PEX7: variants seen among roughly 807,000 people sequenced by gnomAD.
PEX7 encodes the protein PTS2 receptor.
In PEX7, 34 loss-of-function variants were observed where a neutral mutation model predicts 47.5. That is an observed-to-expected ratio of 0.72 (90% CI 0.54 to 0.95). The LOEUF is 0.95. PEX7 is among the 40% of genes least tolerant of loss of function. The pLI is 0.00. For synonymous variants in PEX7, 141 were observed against 148.8 expected, an observed-to-expected ratio of 0.95 and a Z score of 0.38; for missense variants, 394 against 400.3, an observed-to-expected ratio of 0.98 and a Z score of 0.13.
chr6:136,842,269 A>G (rs1320687253), intron 3 of PEX7, among the ~76,000 whole-genome samples: 6 of 152,214 alleles, frequency 3.9e-5, no homozygotes, highest in Non-Finnish European at 8.8e-5. Flanking sequence ...TGCTGGGATT[A>G]CAGGCGTGAG....
chr6:136,890,648 A>G (rs985238270), intron 8 of PEX7, among the ~76,000 whole-genome samples: 1 of 152,182 alleles, frequency 6.6e-6, no homozygotes, highest in African/African-American at 2.4e-5. Flanking sequence ...CAGTGCAGAC[A>G]TTCCACTACA....
intron 3 of PEX7, among the ~76,000 whole-genome samples, chr6:136,827,903 G>C (rs1423589608): frequency 6.6e-6 from 1 of 151,900 alleles, no homozygotes; most frequent in Non-Finnish European, 1.5e-5. Context: ...TGTTGCCCAG[G>C]CTAGTTTTTG....
chr6:136,840,911 T>G (rs193035159), intron 3 of PEX7, among the ~76,000 whole-genome samples: 14 of 152,320 alleles, frequency 9.2e-5, no homozygotes, highest in African/African-American at 3.4e-4. Context: ...CTGGCCATTT[T>G]GTTGAGAAGT....
intron 5 of PEX7, 124 bp from the exon 6 acceptor site, chr6:136,866,503 G>T: frequency 1.3e-6 from 1 of 779,562 alleles, no homozygotes; most frequent in East Asian, 2.7e-5. Flanking sequence ...AAATAAGTCT[G>T]AAGGTGGCAA....
chr6:136,865,810 C>T (rs928457172), intron 5 of PEX7, among the ~76,000 whole-genome samples: 12 of 151,828 alleles, frequency 7.9e-5, no homozygotes, highest in African/African-American at 2.7e-4. Flanking sequence ...ATAGGCCGGG[C>T]GCTGCGGCTC....
rs548146702 is a variant in PEX7 at position 136,863,678 on chromosome 6, C to G, written c.527-2949C>G. Among the ~76,000 whole-genome samples, 348 of 152,126 alleles carry G rather than the reference C, an allele frequency of 2.3e-3. 3 individuals carry two copies. Among genetic ancestry groups the G allele is most frequent in the African/African-American group, 7.9e-3 (326 of 41,506 alleles). ...ATCCCCTCACTTTGGGAGGCTGAGG[C>G]AGGTGGATTGCTTGAGCTCGGGAGC... On this transcript the variant is annotated intron_variant, in intron 5 of 9. Coordinates refer to ENST00000318471, the MANE Select transcript of PEX7 (RefSeq NM_000288.4).
At chr6:136,833,648 G>T (rs1774334396) in intron 3 of PEX7, among the ~76,000 whole-genome samples, 1 of 152,162 alleles carries the variant, frequency 6.6e-6, no homozygotes. Context: ...TATTACAATT[G>T]ATAATAGCCA....
At chr6:136,841,508 T>A (rs1774497177) in intron 3 of PEX7, among the ~76,000 whole-genome samples, 1 of 152,218 alleles carries the variant, frequency 6.6e-6, no homozygotes, top group African/African-American at 2.4e-5. Context: ...GGGCCCTGCC[T>A]CAGTCTTTCT....
chr6:136,872,834 T>C (rs1775206252), intron 8 of PEX7, among the ~76,000 whole-genome samples: 1 of 152,182 alleles, frequency 6.6e-6, no homozygotes, highest in African/African-American at 2.4e-5. Context: ...TTATTCACAA[T>C]ATATTTTCTT....
At chr6:136,864,325 A>C (rs928143885) in intron 5 of PEX7, among the ~76,000 whole-genome samples, 28 of 151,272 alleles carry the variant, frequency 1.9e-4, no homozygotes, top group Admixed American at 9.9e-4. Flanking sequence ...TAAAAAAAAA[A>C]CACACATATT....
chr6:136,855,465 G>A (rs934139266), intron 5 of PEX7, among the ~76,000 whole-genome samples: 2 of 150,844 alleles, frequency 1.3e-5, no homozygotes, highest in African/African-American at 4.9e-5. Flanking sequence ...TCAGCCTCCC[G>A]AGTAGCTGGG....
chr6:136,903,013 C>T (rs901290100), intron 9 of PEX7, among the ~76,000 whole-genome samples: 1 of 152,146 alleles, frequency 6.6e-6, no homozygotes, highest in African/African-American at 2.4e-5. Flanking sequence ...AGTTTCCCCA[C>T]TTGAGAAAGA....
At chr6:136,887,960 A>G (rs1390428356) in intron 8 of PEX7, among the ~76,000 whole-genome samples, 1 of 151,998 alleles carries the variant, frequency 6.6e-6, no homozygotes, top group Non-Finnish European at 1.5e-5. Context: ...AGATACTCTC[A>G]TGGGATTTGC....
intron 8 of PEX7, among the ~76,000 whole-genome samples, chr6:136,894,292 A>C (rs1169117367): frequency 1.3e-5 from 2 of 151,996 alleles, no homozygotes; most frequent in Non-Finnish European, 2.9e-5. Context: ...CCCCGTCTCT[A>C]CTAAAAATAC....
intron 6 of PEX7, among the ~76,000 whole-genome samples, chr6:136,867,171 A>G (rs972448353): frequency 2.0e-5 from 3 of 152,252 alleles, no homozygotes; most frequent in Admixed American, 6.5e-5. Context: ...AGCCTAACCA[A>G]TTTTCATGCC....
Position 136,830,325 on chromosome 6 carries a change from A to G in PEX7, c.339+3856A>G, listed in dbSNP as rs570083497. 9.5e-6 allele frequency: 3 copies of G among 314,596 alleles called. No homozygotes were observed. The Admixed American group carries it at 1.5e-4, about 16-fold the overall frequency. 19.5% of individuals were successfully genotyped at this position (314,596 alleles called of 1,614,324 possible). On this transcript the variant is annotated intron_variant, in intron 3 of 9. Transcript: ENST00000318471. Reference sequence around the variant, plus strand: ...AAAACAAGTTAGAACTTTTCCAGTTACCCACTTTACCACTTGATGGCTATG... The same window carrying G: ...AAAACAAGTTAGAACTTTTCCAGTTGCCCACTTTACCACTTGATGGCTATG...
intron 3 of PEX7, among the ~76,000 whole-genome samples, chr6:136,843,030 GAGCTTT>G: frequency 6.6e-6 from 1 of 152,344 alleles, no homozygotes; most frequent in African/African-American, 2.4e-5. Flanking sequence ...AGCAGGGGTA[GAGCTTT>G]AGTTCCTTGA....
intron 3 of PEX7, among the ~76,000 whole-genome samples, chr6:136,838,950 G>A (rs1392369775): frequency 6.6e-6 from 1 of 152,148 alleles, no homozygotes; most frequent in East Asian, 1.9e-4. Context: ...GGAAGGCCTA[G>A]GCAGGGGGAT....
In PEX7 at chr6:136,846,156, C is replaced by T; in HGVS notation, c.501C>T (p.Ile167=). Residue 167 remains isoleucine, a synonymous_variant, in exon 5 of 10, where the codon ATC becomes ATT. Transcript: ENST00000318471. ...IIYSTIWSPH[I]PGCFASASGD... is the part of the protein sequence containing the mutation. ...ATAGCACAATCTGGTCTCCCCACAT[C>T]CCTGGTTGTTTTGCTTCAGCCTCAG... The T allele has an allele frequency of 6.2e-7, 1 of 1,612,224 alleles. No homozygotes were observed. Among genetic ancestry groups the T allele is most frequent in the South Asian group, 1.1e-5 (1 of 91,014 alleles).
Sources: allele counts gnomAD v4.1 joint callset (sites outside exome capture counted in the v4.1 genomes callset), GRCh38; gene constraint gnomAD v4.1.1; transcripts MANE v1.5; gene names NCBI Gene and HGNC (gene_info 2026-07-23, HGNC 2026-07-21).